The following PRKN variants were observed in gnomAD, a reference collection of about 807,000 sequenced individuals.
The protein encoded by PRKN is parkin RBR E3 ubiquitin protein ligase.
In PRKN, 56 loss-of-function variants were observed where a neutral mutation model predicts 59.5. The observed-to-expected ratio is 0.94, with a 90% CI of 0.76 to 1.18. The LOEUF (loss-of-function observed/expected upper bound fraction) is 1.18. PRKN is among the 50% of genes most tolerant of loss of function. The pLI is 0.00. For synonymous variants in PRKN, 250 were observed against 222.1 expected, an observed-to-expected ratio of 1.13 and a Z score of -1.12; for missense variants, 657 against 596.4, an observed-to-expected ratio of 1.10 and a Z score of -1.06.
chr6:162,032,162 T>C (rs1168639228), intron 5 of PRKN, among the ~76,000 whole-genome samples: 1 of 152,164 alleles, frequency 6.6e-6, no homozygotes, highest in Non-Finnish European at 1.5e-5. Flanking sequence ...AATTTAAATG[T>C]TTATATTTAA....
intron 10 of PRKN, among the ~76,000 whole-genome samples, chr6:161,381,268 G>A (rs1045743097): frequency 6.6e-6 from 1 of 152,142 alleles, no homozygotes; most frequent in Non-Finnish European, 1.5e-5. Context: ...AACAATGGAA[G>A]CGCATTTCTG....
chr6:161,531,217 T>C (rs1182838622), intron 9 of PRKN, among the ~76,000 whole-genome samples: 1 of 151,630 alleles, frequency 6.6e-6, no homozygotes, highest in Non-Finnish European at 1.5e-5. Flanking sequence ...CCGTCTCTAC[T>C]AAAAATACAA....
chr6:162,664,851 T>G (rs1040268345), intron 1 of PRKN, among the ~76,000 whole-genome samples: 1 of 152,188 alleles, frequency 6.6e-6, no homozygotes, highest in South Asian at 2.1e-4. Flanking sequence ...ACTCTGATGA[T>G]AGTTTCTTTT....
rs1005703934 is a variant in PRKN, at chr6:161,527,484, T to C, written c.1083+21370A>G. 2.0e-5 allele frequency among the ~76,000 whole-genome samples: 3 copies of C among 152,154 alleles called. No individual in the cohort carries two copies. The highest frequency in any genetic ancestry group is 7.2e-5 in the African/African-American group (3 of 41,428). On this transcript the variant is annotated intron_variant, in intron 9 of 11. Transcript: ENST00000366898. The surrounding 1 kb of genome is among the most constrained non-coding windows in gnomAD (Gnocchi z 4.6). ...CAACCTGCTGGATGCTATGCCCACA[T>C]GAGGGAGGGGTGCCTTCTAATTCAC... is the stretch of plus-strand genomic sequence containing the variant.
intron 6 of PRKN, among the ~76,000 whole-genome samples, chr6:161,924,592 G>A (rs1278593311): frequency 6.6e-6 from 1 of 152,004 alleles, no homozygotes; most frequent in Non-Finnish European, 1.5e-5. Flanking sequence ...TCCCAAACTC[G>A]GCTGACAATT....
intron 1 of PRKN, among the ~76,000 whole-genome samples, chr6:162,686,974 T>G (rs1031731671): frequency 1.3e-5 from 2 of 152,090 alleles, no homozygotes; most frequent in African/African-American, 4.8e-5. Context: ...TGTTTTTGGT[T>G]GTTGTTGTTT....
At chr6:162,370,596 T>G (rs781233230) in intron 2 of PRKN, among the ~76,000 whole-genome samples, 15 of 152,214 alleles carry the variant, frequency 9.9e-5, no homozygotes, top group Non-Finnish European at 1.3e-4. Context: ...TACTTAGATT[T>G]CTTGGAGAAA....
At position 162,638,701 on chromosome 6, in the gene PRKN, G is replaced by A. The variant is rs530298091; in HGVS notation, c.7+88961C>T. Among the ~76,000 whole-genome samples, 9 of 147,598 alleles carry A rather than the reference G, an allele frequency of 6.1e-5. No individual in the cohort carries two copies. The South Asian group carries it at 1.3e-3, about 21-fold the overall frequency. On this transcript the variant is annotated intron_variant, in intron 1 of 11. Transcript: ENST00000366898. ...CTCAGAGCAAAGTACAAGTACTTCCGTTTGGTATTCTAGGATCTCTATGAC... is the reference window on the plus strand; with the variant it reads ...CTCAGAGCAAAGTACAAGTACTTCCATTTGGTATTCTAGGATCTCTATGAC...
At position 161,526,299 on chromosome 6, in the gene PRKN, G is replaced by A. The variant is rs536324948; in HGVS notation, c.1083+22555C>T. On this transcript the variant is annotated intron_variant, in intron 9 of 11. Coordinates refer to ENST00000366898, the MANE Select transcript of PRKN (RefSeq NM_004562.3). This position sits in a 1 kb window ranked among gnomAD's most constrained non-coding sequence, Gnocchi z 4.1. Reference sequence around the variant, plus strand: ...CATGTGTTCAGACACATGCATGTGCGTGCACACAAACACACCTGTTCAACA... The same window carrying A: ...CATGTGTTCAGACACATGCATGTGCATGCACACAAACACACCTGTTCAACA... Among the ~76,000 whole-genome samples, 9 of 152,310 alleles carry A rather than the reference G, an allele frequency of 5.9e-5. No homozygotes were observed. The highest frequency in any genetic ancestry group is 1.9e-4 in the African/African-American group (8 of 41,586).
chr6:162,185,629 G>A (rs147023079), intron 4 of PRKN, among the ~76,000 whole-genome samples: 15 of 152,194 alleles, frequency 9.9e-5, no homozygotes, highest in East Asian at 3.9e-4. Context: ...TCTGTGGTAC[G>A]AAGGGTCCAC....
intron 5 of PRKN, among the ~76,000 whole-genome samples, chr6:162,003,351 G>A (rs1345217168): frequency 2.6e-5 from 4 of 152,220 alleles, no homozygotes; most frequent in East Asian, 1.9e-4. Context: ...ACTTTTAAGC[G>A]AATTTTCTGA....
rs905365333 is a variant in PRKN, at chr6:161,356,268, G to A, written c.1285+3820C>T. Among the ~76,000 whole-genome samples the A allele has an allele frequency of 6.6e-6, 1 of 152,208 alleles. No individual in the cohort carries two copies. The highest frequency in any genetic ancestry group is 1.5e-5 in the Non-Finnish European group (1 of 68,038). ...CAGTGCCCCCCAACAGGAGGGCAGG[G>A]GTCTTTGGCAGGGTGGTAAGGGGCG... is the stretch of plus-strand genomic sequence containing the variant. On this transcript the variant is annotated intron_variant, in intron 11 of 11. Transcript: ENST00000366898. This position sits in a 1 kb window ranked among gnomAD's most constrained non-coding sequence, Gnocchi z 7.8.
intron 7 of PRKN, among the ~76,000 whole-genome samples, chr6:161,638,737 G>GTTTTTTTTTT (rs1783620228): frequency 1.6e-5 from 1 of 61,562 alleles, no homozygotes; most frequent in African/African-American, 1.3e-4. Context: ...CACGAGATCT[G>GTTTTTTTTTT]ATTTTTTTTT....
At chr6:161,897,908 A>C (rs936251462) in intron 6 of PRKN, among the ~76,000 whole-genome samples, 3 of 132,306 alleles carry the variant, frequency 2.3e-5, no homozygotes, top group African/African-American at 5.8e-5. Context: ...CGGAGCTTGC[A>C]GTGAGCTGAG....
chr6:162,167,938 C>G (rs1443073851), intron 4 of PRKN, among the ~76,000 whole-genome samples: 3 of 152,100 alleles, frequency 2.0e-5, no homozygotes, highest in African/African-American at 7.2e-5. Context: ...ATATTAATAA[C>G]AGTTTTTCAT....
chr6:161,652,724 C>G (rs1784195668), intron 7 of PRKN, among the ~76,000 whole-genome samples: 1 of 152,168 alleles, frequency 6.6e-6, no homozygotes, highest in Non-Finnish European at 1.5e-5. Flanking sequence ...ATGTGATACT[C>G]TCTAGCTATT....
At chr6:162,452,278 G>T (rs563721164) in intron 1 of PRKN, among the ~76,000 whole-genome samples, 1 of 152,204 alleles carries the variant, frequency 6.6e-6, no homozygotes, top group South Asian at 2.1e-4. Flanking sequence ...AAGTGAAATG[G>T]TACAAGACAG....
At chr6:161,563,880 A>C (rs1780542576) in intron 8 of PRKN, among the ~76,000 whole-genome samples, 1 of 152,206 alleles carries the variant, frequency 6.6e-6, no homozygotes, top group Admixed American at 6.5e-5. Flanking sequence ...GCCACTATGT[A>C]AAGCTGGAAT....
intron 5 of PRKN, among the ~76,000 whole-genome samples, chr6:162,040,893 G>A (rs1582941422): frequency 6.6e-6 from 1 of 151,868 alleles, no homozygotes; most frequent in East Asian, 1.9e-4. Context: ...TGGAGGGCAG[G>A]AGGGAAAGTC....
Sources: gnomAD v4.1 joint callset for allele counts (sites outside exome capture counted in the v4.1 genomes callset) on GRCh38, gnomAD v4.1.1 for gene constraint, Gnocchi (gnomAD v3.1) non-coding constraint, MANE v1.5 for transcripts, NCBI Gene and HGNC (gene_info 2026-07-23, HGNC 2026-07-21) for gene names.